Variants in MAF observed in about 807,000 individuals in gnomAD.
The protein encoded by MAF is transcription factor Maf.
MAF carries 10 observed loss-of-function variants against 22.0 expected under a neutral mutation model. The observed-to-expected ratio is 0.45, with a 90% CI of 0.28 to 0.77. The LOEUF is 0.77. MAF is among the 30% of genes least tolerant of loss of function. The pLI is 0.12. For synonymous variants in MAF, 337 were observed against 255.8 expected (o/e 1.32, Z -3.03); for missense variants, 544 against 548.4 (o/e 0.99, Z 0.08).
the MAF span, among the ~76,000 whole-genome samples, chr16:79,213,599 C>T: frequency 3.3e-5 from 5 of 152,150 alleles, no homozygotes; most frequent in Non-Finnish European, 7.3e-5. Context: ...ATCTTTGGAA[C>T]CCTGCAACTT....
At chr16:79,203,542 G>T in the MAF span, 1 of 144,056 alleles carries the variant, frequency 6.9e-6, no homozygotes, top group Non-Finnish European at 1.5e-5. Flanking sequence ...CTATGTTATA[G>T]AATACTTATG....
chr16:79,218,961 C>G, the MAF span, among the ~76,000 whole-genome samples: 1 of 152,192 alleles, frequency 6.6e-6, no homozygotes, highest in Non-Finnish European at 1.5e-5. Flanking sequence ...GGTATTTACC[C>G]CACTAGCCAG....
chr16:79,268,145 C>T, the MAF span, among the ~76,000 whole-genome samples: 1 of 152,156 alleles, frequency 6.6e-6, no homozygotes, highest in Non-Finnish European at 1.5e-5. Flanking sequence ...CTCGTTGCTT[C>T]TGTTATGCCC....
At chr16:79,518,182 C>A in the MAF span, among the ~76,000 whole-genome samples, 4 of 152,210 alleles carry the variant, frequency 2.6e-5, no homozygotes, top group Non-Finnish European at 4.4e-5. Flanking sequence ...GAGGATAAAT[C>A]ATTTGCCCAA....
At chr16:79,496,713 G>A in the MAF span, among the ~76,000 whole-genome samples, 1 of 152,196 alleles carries the variant, frequency 6.6e-6, no homozygotes, top group Non-Finnish European at 1.5e-5. Context: ...TTCAATGCAA[G>A]CACATTTAAT....
intron 1 of MAF, among the ~76,000 whole-genome samples, chr16:79,586,803 G>A (rs970505315): frequency 6.6e-6 from 1 of 151,992 alleles, no homozygotes; most frequent in Non-Finnish European, 1.5e-5. Context: ...ATAGAAGTTC[G>A]GACTGTCAAA....
chr16:79,492,743 T>C, the MAF span, among the ~76,000 whole-genome samples: 1 of 152,028 alleles, frequency 6.6e-6, no homozygotes, highest in Admixed American at 6.5e-5. Context: ...CTCATAAACA[T>C]ACTCATGGGA....
chr16:79,557,175 T>TTTTTTGTTTTA, the MAF span, among the ~76,000 whole-genome samples: 1 of 150,926 alleles, frequency 6.6e-6, no homozygotes, highest in African/African-American at 2.4e-5. Flanking sequence ...TAGTTTTTTT[T>TTTTTTGTTTTA]ATTCAATTCC....
chr16:79,372,576 C>T, the MAF span, among the ~76,000 whole-genome samples: 1 of 152,316 alleles, frequency 6.6e-6, no homozygotes, highest in East Asian at 1.9e-4. Flanking sequence ...AATGTCTTAG[C>T]CGTGGTGACC....
At chr16:79,531,056 G>T in the MAF span, among the ~76,000 whole-genome samples, 1 of 152,176 alleles carries the variant, frequency 6.6e-6, no homozygotes, top group African/African-American at 2.4e-5. Context: ...TAAATATCCG[G>T]CCTTATCAGC....
the MAF span, among the ~76,000 whole-genome samples, chr16:79,497,920 T>C: frequency 6.6e-6 from 1 of 152,206 alleles, no homozygotes; most frequent in South Asian, 2.1e-4. Context: ...TCTTCTAGCA[T>C]AACCTCTCCT....
At chr16:79,210,309 A>G in the MAF span, among the ~76,000 whole-genome samples, 1 of 152,128 alleles carries the variant, frequency 6.6e-6, no homozygotes, top group African/African-American at 2.4e-5. Flanking sequence ...CTTCCTTGGG[A>G]CCCTATTTCT....
the MAF span, among the ~76,000 whole-genome samples, chr16:79,513,219 C>A: frequency 6.6e-6 from 1 of 152,250 alleles, no homozygotes; most frequent in South Asian, 2.1e-4. Context: ...GCCAGATACT[C>A]AACTCAGCAG....
rs1215349484 is a variant in MAF, at chr16:79,600,073, C to CCA, written c.-172_-171insTG. 21 of 739,902 alleles carry CCA rather than the reference C, an allele frequency of 2.8e-5. No individual in the cohort carries two copies. Among genetic ancestry groups the CCA allele is most frequent in the Non-Finnish European group, 3.9e-5 (19 of 488,054 alleles). 45.8% of individuals were successfully genotyped at this position (739,902 alleles called of 1,614,324 possible). On this transcript the variant is annotated 5_prime_UTR_variant, in exon 1 of 2. Coordinates refer to ENST00000326043, the MANE Select transcript of MAF (RefSeq NM_005360.5). The stretch of plus-strand genomic sequence containing the variant: ...ACCTCCGAGCGCGCTCACACACACA[C>CCA]CCCCCCGCCCTGCCCGCGCCCCCCG...
chr16:79,544,013 G>A, the MAF span, among the ~76,000 whole-genome samples: 1 of 152,128 alleles, frequency 6.6e-6, no homozygotes, highest in African/African-American at 2.4e-5. Context: ...TACCAAGGTA[G>A]AGAGACAGAC....
At chr16:79,204,118 A>C in the MAF span, 1 of 151,984 alleles carries the variant, frequency 6.6e-6, no homozygotes, top group Admixed American at 6.6e-5. Context: ...GGCTATTTCA[A>C]ACCAACCATG....
intron 1 of MAF, chr16:79,596,886 A>AT (rs530223218): frequency 1.9e-4 from 196 of 1,042,462 alleles, no homozygotes; most frequent in African/African-American, 4.0e-4. Flanking sequence ...CAGTTTTGCA[A>AT]TTTTTTTTTG....
At chr16:79,548,836 AGCATG>A in the MAF span, among the ~76,000 whole-genome samples, 1 of 152,172 alleles carries the variant, frequency 6.6e-6, no homozygotes, top group Non-Finnish European at 1.5e-5. Flanking sequence ...GGTAACCTGA[AGCATG>A]GCAGAGAGGG....
the MAF span, among the ~76,000 whole-genome samples, chr16:79,445,836 T>C: frequency 6.6e-6 from 1 of 152,250 alleles, no homozygotes. Context: ...GTATTATAGA[T>C]GTTATTTCAA....
Sources: gnomAD v4.1 joint callset for allele counts (sites outside exome capture counted in the v4.1 genomes callset) on GRCh38, gnomAD v4.1.1 for gene constraint, MANE v1.5 for transcripts, NCBI Gene and HGNC (gene_info 2026-07-23, HGNC 2026-07-21) for gene names.